Variants in PAQR8 observed in about 807,000 individuals in gnomAD.
PAQR8 encodes progestin and adipoQ receptor family member 8, also known as membrane progestin receptor beta.
In PAQR8, 17 loss-of-function variants were observed where a neutral mutation model predicts 25.2. The ratio of observed to expected loss-of-function variants is 0.67; its 90% CI spans 0.46 to 1.01. PAQR8 has a LOEUF of 1.01. Ranked by LOEUF, PAQR8 falls within the 50% of genes least tolerant of loss-of-function variation. PAQR8 has a pLI of 0.00. For synonymous variants in PAQR8, 204 were observed against 190.6 expected (o/e 1.07, Z -0.58); for missense variants, 392 against 448.4 (o/e 0.87, Z 1.14).
chr6:52,379,534 C>T (rs1369465333), intron 1 of PAQR8, among the ~76,000 whole-genome samples: 3 of 152,030 alleles, frequency 2.0e-5, no homozygotes, highest in African/African-American at 7.3e-5. Flanking sequence ...TCACTGCAAC[C>T]TCCGCCTCCT....
At chr6:52,371,434 A>G (rs1300754917) in intron 1 of PAQR8, among the ~76,000 whole-genome samples, 1 of 152,186 alleles carries the variant, frequency 6.6e-6, no homozygotes, top group African/African-American at 2.4e-5. Context: ...AAGCATGAAT[A>G]GAAGAATTCT....
chr6:52,367,459 G>A (rs918683407), intron 1 of PAQR8, among the ~76,000 whole-genome samples: 7 of 152,228 alleles, frequency 4.6e-5, no homozygotes, highest in African/African-American at 1.7e-4. Flanking sequence ...ATCGCAATAA[G>A]TGTCAACTCT....
intron 1 of PAQR8, among the ~76,000 whole-genome samples, chr6:52,396,386 G>C (rs1763767534): frequency 6.6e-6 from 1 of 152,186 alleles, no homozygotes; most frequent in Non-Finnish European, 1.5e-5. Flanking sequence ...ATTAAGATCT[G>C]GGCCAACAAA....
chr6:52,377,499 A>G (rs990099333), intron 1 of PAQR8, among the ~76,000 whole-genome samples: 14 of 152,182 alleles, frequency 9.2e-5, no homozygotes, highest in African/African-American at 3.1e-4. Flanking sequence ...TGTATCTGCT[A>G]CATTATAGCT....
rs771276662 is a variant in PAQR8 at position 52,403,872 on chromosome 6, C to T, written c.659C>T (p.Ala220Val). ...KICQVVPAGL[A>V]FILDISPVAH... is the part of the protein sequence containing the mutation. ...TGTCAAGTGGTGCCAGCAGGTCTGG[C>T]TTTTATCCTAGACATCAGCCCTGTG... is the stretch of plus-strand genomic sequence containing the variant. Residue 220 changes from alanine (A) to valine (V), a missense_variant, in exon 2 of 2, where the codon GCT becomes GTT. Ala to Val is a moderately conservative substitution (Grantham distance 64, BLOSUM62 0). Coordinates refer to ENST00000442253, the MANE Select transcript of PAQR8 (RefSeq NM_133367.5). 6.2e-7 allele frequency: 1 copy of T among 1,614,218 alleles called. No individual in the cohort carries two copies. Among genetic ancestry groups the T allele is most frequent in the Non-Finnish European group, 8.5e-7 (1 of 1,180,028 alleles).
intron 1 of PAQR8, among the ~76,000 whole-genome samples, chr6:52,388,392 A>G (rs1378222887): frequency 6.6e-6 from 1 of 151,592 alleles, no homozygotes; most frequent in Non-Finnish European, 1.5e-5. Flanking sequence ...AAAAAAAAAA[A>G]GCAATAAATG....
chr6:52,390,424 T>G (rs146653909), intron 1 of PAQR8, among the ~76,000 whole-genome samples: 147 of 152,246 alleles, frequency 9.7e-4, no homozygotes, highest in Middle Eastern at 6.8e-3. Context: ...TTTCTCCTCT[T>G]AGGAATATTA....
intron 1 of PAQR8, among the ~76,000 whole-genome samples, chr6:52,364,088 T>TTTTTTTTTTTG (rs1763324186): frequency 7.0e-6 from 1 of 142,666 alleles, no homozygotes; most frequent in Admixed American, 7.1e-5. Context: ...GATATGTTTT[T>TTTTTTTTTTTG]TTTTTTTTTT....
chr6:52,394,759 A>C (rs1344583269), intron 1 of PAQR8, among the ~76,000 whole-genome samples: 2 of 152,216 alleles, frequency 1.3e-5, no homozygotes, highest in African/African-American at 4.8e-5. Context: ...AGACGTTTTC[A>C]ACTTAACAAT....
intron 1 of PAQR8, among the ~76,000 whole-genome samples, chr6:52,371,445 T>G (rs1763418132): frequency 6.6e-6 from 1 of 152,124 alleles, no homozygotes; most frequent in African/African-American, 2.4e-5. Flanking sequence ...GAAGAATTCT[T>G]CTATTACAGA....
At position 52,403,357 on chromosome 6, in the gene PAQR8, G is replaced by A. The variant is rs1486786423; in HGVS notation, c.144G>A (p.Glu48=). Residue 48 remains glutamate (E), a synonymous_variant, in exon 2 of 2, where the codon GAG becomes GAA. Transcript: ENST00000442253. ...CGGATGTGCCCCAGCTCTTCCGGGA[G>A]CCTTACATCCGCACCGGCTACCGCC... The part of the protein sequence containing the change: ...PETDVPQLFR[E]PYIRTGYRPT... The A allele has an allele frequency of 6.2e-7, 1 of 1,614,262 alleles. No homozygotes were observed. Among genetic ancestry groups the A allele is most frequent in the Non-Finnish European group, 8.5e-7 (1 of 1,180,054 alleles).
At chr6:52,403,015 G>T in intron 1 of PAQR8, 147 bp from the exon 2 acceptor site, 1 of 578,348 alleles carries the variant, frequency 1.7e-6, no homozygotes. Context: ...AGGTTGCAAT[G>T]AGCTGTGATC....
At chr6:52,402,966 C>T (rs1209865725) in intron 1 of PAQR8, among the ~76,000 whole-genome samples, 196 bp from the exon 2 acceptor site, 15 of 152,122 alleles carry the variant, frequency 9.9e-5, no homozygotes, top group Admixed American at 9.8e-4. Flanking sequence ...CATCTATGGT[C>T]CTAGCTACTC....
intron 1 of PAQR8, among the ~76,000 whole-genome samples, chr6:52,363,802 G>A (rs1056498278): frequency 6.6e-6 from 1 of 152,172 alleles, no homozygotes; most frequent in African/African-American, 2.4e-5. Flanking sequence ...AACTGGAAGG[G>A]AGCCAGACTG....
At chr6:52,384,848 G>A (rs1391071278) in intron 1 of PAQR8, among the ~76,000 whole-genome samples, 2 of 152,112 alleles carry the variant, frequency 1.3e-5, no homozygotes, top group Non-Finnish European at 2.9e-5. Context: ...AGAGAACCCA[G>A]AAATAAAGCT....
At chr6:52,367,617 G>A (rs1763368311) in intron 1 of PAQR8, among the ~76,000 whole-genome samples, 1 of 152,238 alleles carries the variant, frequency 6.6e-6, no homozygotes, top group South Asian at 2.1e-4. Context: ...GGGCACAGAT[G>A]TAGGGCCTCC....
At chr6:52,399,453 T>A (rs1480389017) in intron 1 of PAQR8, among the ~76,000 whole-genome samples, 2 of 152,180 alleles carry the variant, frequency 1.3e-5, no homozygotes, top group African/African-American at 4.8e-5. Flanking sequence ...CTTTAGAAAT[T>A]CAGTTGAGTT....
chr6:52,388,077 T>A (rs1562431397), intron 1 of PAQR8, among the ~76,000 whole-genome samples: 1 of 152,170 alleles, frequency 6.6e-6, no homozygotes, highest in African/African-American at 2.4e-5. Context: ...TATTATAATG[T>A]AAAAATAATA....
intron 1 of PAQR8, among the ~76,000 whole-genome samples, chr6:52,393,050 C>T (rs1167592043): frequency 6.6e-6 from 1 of 152,116 alleles, no homozygotes; most frequent in Admixed American, 6.6e-5. Context: ...GGGGTTTAGT[C>T]ATAGAGGGCA....
Sources: gnomAD v4.1 joint callset for allele counts (sites outside exome capture counted in the v4.1 genomes callset) on GRCh38, gnomAD v4.1.1 for gene constraint, MANE v1.5 for transcripts, NCBI Gene and HGNC (gene_info 2026-07-23, HGNC 2026-07-21) for gene names.